Variants in CCDC134 observed in about 807,000 individuals in gnomAD.
CCDC134 encodes the protein coiled-coil domain containing 134.
A neutral mutation model predicts 25.6 loss-of-function variants in CCDC134; 27 were observed. The observed-to-expected ratio is 1.05, with a 90% CI of 0.78 to 1.45. The LOEUF (loss-of-function observed/expected upper bound fraction) is 1.45, where lower values mean the gene tolerates loss of function less well. CCDC134 is among the 40% of genes most tolerant of loss of function. The pLI is 0.00. For synonymous variants in CCDC134, 110 were observed against 115.0 expected, an observed-to-expected ratio of 0.96 and a Z score of 0.28; for missense variants, 261 against 286.7, an observed-to-expected ratio of 0.91 and a Z score of 0.65.
rs1602246854 is a variant in CCDC134, at chr22:41,824,412, C to G, written c.565-1286C>G. Among the ~76,000 whole-genome samples the G allele has an allele frequency of 2.0e-5, 3 of 150,508 alleles. No individual in the cohort carries two copies. The South Asian group carries it at 6.2e-4, about 31-fold the overall frequency. ...GCAGATACACCATGTGGAACTTTGT[C>G]TTGAGAGTCATGGAGAGCCATGGAA... On this transcript the variant is annotated intron_variant, in intron 6 of 6. Transcript: ENST00000255784.
chr22:41,800,936 A>C (rs951704305), intron 1 of CCDC134, among the ~76,000 whole-genome samples, 170 bp downstream of exon 1: 1 of 152,130 alleles, frequency 6.6e-6, no homozygotes, highest in African/African-American at 2.4e-5. Context: ...CTCGGGGTCA[A>C]CCACCTGGGC....
intron 1 of CCDC134, among the ~76,000 whole-genome samples, chr22:41,802,720 C>T (rs893976001): frequency 1.3e-5 from 2 of 152,092 alleles, no homozygotes; most frequent in Admixed American, 6.6e-5. Flanking sequence ...CGAGACCATC[C>T]TGGCTAACAC....
intron 6 of CCDC134, among the ~76,000 whole-genome samples, chr22:41,814,745 A>G (rs928403561): frequency 2.0e-5 from 3 of 152,118 alleles, no homozygotes; most frequent in Non-Finnish European, 4.4e-5. Context: ...CTCCAGGCCA[A>G]CAAGCTAGCC....
chr22:41,827,293 G>A lies in CCDC134; in HGVS notation c.*1470G>A, dbSNP rs2076684528. 6.6e-6 allele frequency among the ~76,000 whole-genome samples: 1 copy of A among 152,174 alleles called. No homozygotes were observed. The stretch of plus-strand genomic sequence containing the variant: ...GCCCCTCACTGGGCAGTGGAGGCAG[G>A]GCAGTGTGGTGGGACTGACTCAACA... On this transcript the variant is annotated 3_prime_UTR_variant, in exon 7 of 7. Transcript: ENST00000255784.
chr22:41,805,672 G>A (rs969843958), intron 1 of CCDC134, among the ~76,000 whole-genome samples: 11 of 152,204 alleles, frequency 7.2e-5, no homozygotes, highest in African/African-American at 2.7e-4. Flanking sequence ...GCTCATGCCT[G>A]TAATCTCAGC....
intron 4 of CCDC134, 102 bp downstream of exon 4, chr22:41,810,393 C>T: frequency 8.8e-7 from 1 of 1,134,098 alleles, no homozygotes; most frequent in Non-Finnish European, 1.3e-6. Context: ...CCCGGAAGTG[C>T]CCTCTTGTGG....
At chr22:41,819,679 C>T (rs1439272553) in intron 6 of CCDC134, among the ~76,000 whole-genome samples, 1 of 151,830 alleles carries the variant, frequency 6.6e-6, no homozygotes, top group Non-Finnish European at 1.5e-5. Flanking sequence ...TAAGGAATGC[C>T]CGGGGTAAGG....
chr22:41,815,629 A>G (rs1360626667), intron 6 of CCDC134, among the ~76,000 whole-genome samples: 2 of 152,100 alleles, frequency 1.3e-5, no homozygotes, highest in African/African-American at 4.8e-5. Flanking sequence ...TATATTCTGA[A>G]TAGCAGGGTA....
At chr22:41,824,136 A>G (rs1181933947) in intron 6 of CCDC134, among the ~76,000 whole-genome samples, 1 of 152,198 alleles carries the variant, frequency 6.6e-6, no homozygotes, top group Admixed American at 6.5e-5. Context: ...GGCACAAGAA[A>G]GAAGGAATCA....
rs560491549 is a variant in CCDC134 at position 41,830,064 on chromosome 22, C to T, written c.*4241C>T. Among the ~76,000 whole-genome samples the T allele has an allele frequency of 4.4e-4, 67 of 152,316 alleles. No individual in the cohort carries two copies. The highest frequency in any genetic ancestry group is 1.4e-3 in the Admixed American group (21 of 15,298). On this transcript the variant is annotated 3_prime_UTR_variant, in exon 7 of 7. Transcript: ENST00000255784. Reference sequence around the variant, plus strand: ...GGGATTACAGGCGTAAGCAACCGTGCCCGGCTGTCCATCTCTTTTCAGATG... The same window carrying T: ...GGGATTACAGGCGTAAGCAACCGTGTCCGGCTGTCCATCTCTTTTCAGATG...
In CCDC134 at chr22:41,825,946, C is replaced by T; in HGVS notation, c.*123C>T. ...TTCCAGAAGGGGAGGCCACATTTGC[C>T]CGGCCCCCTGGAGCTGGGTCTGAGC... On this transcript the variant is annotated 3_prime_UTR_variant, in exon 7 of 7. Transcript: ENST00000255784. The surrounding 1 kb of genome is among the most constrained non-coding windows in gnomAD (Gnocchi z 4.4). The T allele has an allele frequency of 7.1e-7, 1 of 1,406,688 alleles. No homozygotes were observed. Among genetic ancestry groups the T allele is most frequent in the South Asian group, 1.4e-5 (1 of 73,386 alleles). 87.1% of individuals were successfully genotyped at this position (1,406,688 alleles called of 1,614,324 possible).
rs2076586165 is a variant in CCDC134 at position 41,809,948 on chromosome 22, A to T, written c.173A>T (p.Asp58Val). ...LALKNLAQLN[D>V]IHQQYKILDV... ...CTGAAGAACCTGGCACAGCTGAACG[A>T]CATCCACCAGCAGTACAAGATCCTT... The change falls in exon 3 of 7, where the codon GAC becomes GTC. Residue 58 changes from aspartate to valine, a missense_variant. Asp to Val is a radical substitution (Grantham distance 152). Coordinates refer to ENST00000255784, the MANE Select transcript of CCDC134 (RefSeq NM_024821.5). The T allele has an allele frequency of 6.2e-7, 1 of 1,614,152 alleles. No individual in the cohort carries two copies. Among genetic ancestry groups the T allele is most frequent in the African/African-American group, 1.3e-5 (1 of 75,032 alleles).
chr22:41,814,475 G>A (rs1339764059), intron 6 of CCDC134, among the ~76,000 whole-genome samples: 2 of 152,126 alleles, frequency 1.3e-5, no homozygotes, highest in Admixed American at 6.6e-5. Context: ...ACTGAGGCAG[G>A]AGAATCGCTT....
chr22:41,826,698 C>G lies in CCDC134; in HGVS notation c.*875C>G, dbSNP rs1045102126. Among the ~76,000 whole-genome samples the G allele has an allele frequency of 1.3e-5, 2 of 152,226 alleles. No homozygotes were observed. The highest frequency in any genetic ancestry group is 2.9e-5 in the Non-Finnish European group (2 of 68,036). ...TGCAGGAGGCCGTGCTCCGCAATGGCTGCCCTAAGCTGCATGGGTCAGACA... is the reference window on the plus strand; with the variant it reads ...TGCAGGAGGCCGTGCTCCGCAATGGGTGCCCTAAGCTGCATGGGTCAGACA... On this transcript the variant is annotated 3_prime_UTR_variant, in exon 7 of 7. Transcript: ENST00000255784.
intron 6 of CCDC134, among the ~76,000 whole-genome samples, chr22:41,816,075 C>T (rs2076621523): frequency 1.3e-5 from 2 of 152,324 alleles, no homozygotes; most frequent in Non-Finnish European, 2.9e-5. Context: ...CGACCACCCA[C>T]ATAAGAGAGT....
chr22:41,824,531 C>T (rs575489336), intron 6 of CCDC134, among the ~76,000 whole-genome samples: 4 of 152,134 alleles, frequency 2.6e-5, no homozygotes, highest in South Asian at 4.1e-4. Context: ...GAGGCTGAGG[C>T]GGATGGATCA....
At chr22:41,812,429 A>G (rs961884469) in intron 4 of CCDC134, among the ~76,000 whole-genome samples, 3 of 151,352 alleles carry the variant, frequency 2.0e-5, no homozygotes, top group Non-Finnish European at 4.4e-5. Flanking sequence ...CTCCAAAAAA[A>G]AAAAAAAAAA....
intron 6 of CCDC134, among the ~76,000 whole-genome samples, chr22:41,816,808 C>T (rs536410017): frequency 6.6e-6 from 1 of 152,276 alleles, no homozygotes; most frequent in South Asian, 2.1e-4. Flanking sequence ...GTCCTGGCTA[C>T]TCAGGAGGCT....
At chr22:41,811,362 C>T (rs1351663811) in intron 4 of CCDC134, among the ~76,000 whole-genome samples, 1 of 152,202 alleles carries the variant, frequency 6.6e-6, no homozygotes, top group Non-Finnish European at 1.5e-5. Flanking sequence ...GTGGTCTCTA[C>T]ACCCAACCTC....
Sources: allele counts gnomAD v4.1 joint callset (sites outside exome capture counted in the v4.1 genomes callset), GRCh38; gene constraint gnomAD v4.1.1; non-coding constraint Gnocchi (gnomAD v3.1); transcripts MANE v1.5; gene names NCBI Gene and HGNC (gene_info 2026-07-23, HGNC 2026-07-21).